The following PRSS23 variants were observed in gnomAD, a reference collection of about 807,000 sequenced individuals.
PRSS23 encodes the protein serine protease 23.
Under a neutral mutation model 34.7 loss-of-function variants are expected in PRSS23, and 25 were observed. The ratio of observed to expected loss-of-function variants is 0.72; its 90% CI spans 0.53 to 1.01. The LOEUF is 1.01. Ranked by LOEUF, PRSS23 falls within the 50% of genes least tolerant of loss-of-function variation. The probability of loss-of-function intolerance (pLI) is 0.00; values close to 1 mark genes in which losing one functional copy is unlikely to be tolerated. For missense variants in PRSS23, 445 were observed against 475.6 expected (o/e 0.94, Z 0.60); for synonymous variants, 176 against 186.6 (o/e 0.94, Z 0.46).
At chr11:86,859,121 A>T (rs7107731) in intron 2 of PRSS23, among the ~76,000 whole-genome samples, 4 of 151,550 alleles carry the variant, frequency 2.6e-5, no homozygotes, top group Admixed American at 6.6e-5. Flanking sequence ...CTAATATCCA[A>T]GGGGGAAGAG....
chr11:86,862,295 C>T (rs900798808), intron 2 of PRSS23, among the ~76,000 whole-genome samples: 1 of 151,410 alleles, frequency 6.6e-6, no homozygotes, highest in East Asian at 2.0e-4. Context: ...CATGTGACAG[C>T]GGGTGTACAT....
chr11:86,833,155 G>A (rs184288855), intron 2 of PRSS23: 1 of 813,374 alleles, frequency 1.2e-6, no homozygotes, highest in East Asian at 2.6e-5. Context: ...AGCAAAGAGA[G>A]ACATCTGAGT....
At chr11:86,939,403 A>AT (rs1555083964) in intron 2 of PRSS23, among the ~76,000 whole-genome samples, 810 of 80,504 alleles carry the variant, frequency 0.01, 8 homozygotes, top group Middle Eastern at 0.017. Flanking sequence ...TAAAAAAAAA[A>AT]ATATATATAT....
intron 1 of PRSS23, chr11:86,823,256 T>A (rs1948267243): frequency 4.8e-6 from 3 of 621,758 alleles, no homozygotes; most frequent in Non-Finnish European, 8.6e-6. Flanking sequence ...TAAAAAAAAA[T>A]GTATGATTAA....
At position 86,808,080 on chromosome 11, in the gene PRSS23, T is replaced by A. The variant is rs769722114; in HGVS notation, c.437T>A (p.Leu146His). ...AGCATTTTTGGGAAGGACTTCCTGC[T>A]CAACTACCCTTTCTCAACATCAGTG... Reference protein sequence around the residue: ...RFSIFGKDFLLNYPFSTSVKL... With the variant: ...RFSIFGKDFLHNYPFSTSVKL... Residue 146 changes from leucine to histidine, a missense_variant, in exon 2 of 2, where the codon CTC becomes CAC. Physicochemically the swap from Leu to His is moderately conservative, Grantham distance 99. Transcript: ENST00000280258. 2 of 1,614,084 alleles carry A rather than the reference T, an allele frequency of 1.2e-6. No homozygotes were observed. Among genetic ancestry groups the A allele is most frequent in the Non-Finnish European group, 1.7e-6 (2 of 1,180,024 alleles).
chr11:86,888,997 T>G (rs1419062555), intron 2 of PRSS23, among the ~76,000 whole-genome samples: 1 of 152,208 alleles, frequency 6.6e-6, no homozygotes, highest in East Asian at 1.9e-4. Flanking sequence ...ATGCACCTTA[T>G]AGAGCCCTGA....
intron 2 of PRSS23, among the ~76,000 whole-genome samples, chr11:86,924,788 GGTTCA>G (rs941347926): frequency 6.6e-6 from 1 of 152,142 alleles, no homozygotes; most frequent in African/African-American, 2.4e-5. Context: ...TTTAGTGAAC[GGTTCA>G]GTATGGCTTC....
chr11:86,879,533 T>A (rs1590909627), intron 2 of PRSS23, among the ~76,000 whole-genome samples: 1 of 134,006 alleles, frequency 7.5e-6, no homozygotes, highest in Non-Finnish European at 1.6e-5. Context: ...AGCCGCCCCG[T>A]CCGGGAGGGA....
At chr11:86,916,535 G>A (rs867590548) in intron 2 of PRSS23, among the ~76,000 whole-genome samples, 33 of 152,306 alleles carry the variant, frequency 2.2e-4, no homozygotes, top group Middle Eastern at 6.8e-3. Flanking sequence ...CATACTGACA[G>A]GAAGTGTGTG....
chr11:86,945,227 GA>G (rs1194919523), intron 2 of PRSS23, among the ~76,000 whole-genome samples: 5 of 149,010 alleles, frequency 3.4e-5, no homozygotes, highest in South Asian at 2.1e-4. Flanking sequence ...AAAATCTGAA[GA>G]AAAAAAAAGC....
chr11:86,896,637 A>T (rs1480779021), intron 2 of PRSS23: 3 of 152,246 alleles, frequency 2.0e-5, no homozygotes, highest in African/African-American at 7.2e-5. Context: ...CAACCCAGAC[A>T]AAGCTATGTT....
At chr11:86,860,924 T>TG (rs1490847839) in intron 2 of PRSS23, among the ~76,000 whole-genome samples, 1 of 150,972 alleles carries the variant, frequency 6.6e-6, no homozygotes, top group Non-Finnish European at 1.5e-5. Context: ...TTAATATCCG[T>TG]GGGGTGAGTA....
At chr11:86,868,311 A>T (rs1242593051) in intron 2 of PRSS23, among the ~76,000 whole-genome samples, 2 of 152,306 alleles carry the variant, frequency 1.3e-5, no homozygotes, top group South Asian at 4.1e-4. Flanking sequence ...ACTGTTCTTC[A>T]TCTCCTTCTG....
At chr11:86,813,801 C>T (rs927512279), downstream of PRSS23, among the ~76,000 whole-genome samples, 10 of 152,160 alleles carry the variant, frequency 6.6e-5, no homozygotes, top group Admixed American at 3.9e-4. Flanking sequence ...GAAACTCATT[C>T]ATATTTGACA....
downstream of PRSS23, among the ~76,000 whole-genome samples, chr11:86,814,238 T>C (rs1355252292): frequency 6.6e-6 from 1 of 152,162 alleles, no homozygotes; most frequent in African/African-American, 2.4e-5. Flanking sequence ...TTGTAGATGA[T>C]ATTTAAACCA....
chr11:86,845,693 C>T (rs1329399665), intron 2 of PRSS23, among the ~76,000 whole-genome samples: 1 of 152,084 alleles, frequency 6.6e-6, no homozygotes, highest in Non-Finnish European at 1.5e-5. Flanking sequence ...AGAATTTGTG[C>T]ATTGTGTTTT....
chr11:86,901,635 G>C (rs919071035), intron 2 of PRSS23, among the ~76,000 whole-genome samples: 13 of 152,164 alleles, frequency 8.5e-5, no homozygotes, highest in African/African-American at 3.1e-4. Context: ...AAAGTCTCTT[G>C]AGAGGGCCGA....
At chr11:86,797,188 G>T (rs1415199606), upstream of PRSS23, among the ~76,000 whole-genome samples, 1 of 152,244 alleles carries the variant, frequency 6.6e-6, no homozygotes, top group Admixed American at 6.5e-5. Context: ...GTTGAACTGA[G>T]TTCTTAAGAA....
At chr11:86,878,672 G>A (rs1948743340) in intron 2 of PRSS23, among the ~76,000 whole-genome samples, 1 of 151,984 alleles carries the variant, frequency 6.6e-6, no homozygotes, top group South Asian at 2.1e-4. Context: ...TGCAGCCTCT[G>A]CCCGGCTGCC....
Sources: gnomAD v4.1 joint callset for allele counts (sites outside exome capture counted in the v4.1 genomes callset) on GRCh38, gnomAD v4.1.1 for gene constraint, MANE v1.5 for transcripts, NCBI Gene and HGNC (gene_info 2026-07-23, HGNC 2026-07-21) for gene names.